Variants in PUM1 observed in about 807,000 individuals in gnomAD.
The protein encoded by PUM1 is pumilio RNA binding family member 1, also known as pumilio homolog 1.
PUM1 carries 13 observed loss-of-function variants against 131.8 expected under a neutral mutation model. The observed-to-expected ratio is 0.10, with a 90% CI of 0.06 to 0.16. The LOEUF (loss-of-function observed/expected upper bound fraction) is 0.16, where lower values mean the gene tolerates loss of function less well. PUM1 is among the 10% of genes least tolerant of loss of function. The pLI is 1.00. For synonymous variants in PUM1, 509 were observed against 556.5 expected (o/e 0.91, Z 1.20); for missense variants, 961 against 1,512.4 (o/e 0.64, Z 6.05).
rs138857989 is a variant in PUM1 at position 31,054,185 on chromosome 1, G to A, written c.363+5019C>T. Among the ~76,000 whole-genome samples, 781 of 151,160 alleles carry A rather than the reference G, an allele frequency of 5.2e-3. 6 individuals carry two copies. Among genetic ancestry groups the A allele is most frequent in the African/African-American group, 0.018 (721 of 41,200 alleles). Reference sequence around the variant, plus strand: ...CTACAAAAAATACAAAGATGAGCTAGGTGTTGTGACGTGTGCCTGTGGTCC... The same window carrying A: ...CTACAAAAAATACAAAGATGAGCTAAGTGTTGTGACGTGTGCCTGTGGTCC... On this transcript the variant is annotated intron_variant, in intron 2 of 21. Transcript: ENST00000426105.
At position 31,011,373 on chromosome 1, in the gene PUM1, A is replaced by C. The variant is rs183183559; in HGVS notation, c.433-4271T>G. Among the ~76,000 whole-genome samples, 95 of 152,286 alleles carry C rather than the reference A, an allele frequency of 6.2e-4. 1 individual carries two copies. Among genetic ancestry groups the C allele is most frequent in the African/African-American group, 2.2e-3 (90 of 41,552 alleles). On this transcript the variant is annotated intron_variant, in intron 3 of 21. Transcript: ENST00000426105. ...ATTTAAATGTAAGTGATGAAACTAA[A>C]ATCCTTTTCAATTGAAAAAAAGTAA...
intron 2 of PUM1, among the ~76,000 whole-genome samples, chr1:31,056,067 T>C (rs1644229840): frequency 6.6e-6 from 1 of 152,184 alleles, no homozygotes; most frequent in Admixed American, 6.5e-5. Flanking sequence ...CCTACCTTGA[T>C]TTCCTGCTAC....
In PUM1 at chr1:30,932,940, T is replaced by C. The variant is rs574843689; in HGVS notation, c.*271A>G. 1.1e-5 allele frequency: 3 copies of C among 267,524 alleles called. No homozygotes were observed. The highest frequency in any genetic ancestry group is 2.3e-5 in the African/African-American group (1 of 44,284). 16.6% of individuals were successfully genotyped at this position (267,524 alleles called of 1,614,324 possible). A position where few individuals can be genotyped will look rare whatever the true frequency, so the allele number is the denominator to read the frequency against. ...CAAAATATGTGGCCTCCCATGTACA[T>C]TGGTTACCTATGTACAAGTATCCTA... On this transcript the variant is annotated 3_prime_UTR_variant, in exon 22 of 22. Coordinates refer to ENST00000426105, the MANE Select transcript of PUM1 (RefSeq NM_001020658.2).
At position 30,968,407 on chromosome 1, in the gene PUM1, G is replaced by A; in HGVS notation, c.1592C>T (p.Ala531Val). 1.3e-6 allele frequency: 2 copies of A among 1,598,702 alleles called. No homozygotes were observed. The highest frequency in any genetic ancestry group is 1.3e-5 in the African/African-American group (1 of 74,184). Residue 531 changes from alanine to valine, a missense_variant, in exon 11 of 22, where the codon GCA becomes GTA. Coordinates refer to ENST00000426105, the MANE Select transcript of PUM1 (RefSeq NM_001020658.2). ...AAATGCAAGGGCAGAATTCACTGCT[G>A]CAGCTGCCACAAGGGGATCCGTTTG... ...GQQTDPLVAA[A>V]AVNSALAFGQ...
At chr1:31,016,020 A>G (rs1286747104) in intron 3 of PUM1, among the ~76,000 whole-genome samples, 2 of 152,340 alleles carry the variant, frequency 1.3e-5, no homozygotes, top group Admixed American at 6.5e-5. Context: ...AATTTTAAGA[A>G]GAGAGCTCAT....
In PUM1 at chr1:30,992,506, C is replaced by G; in HGVS notation, c.1042G>C (p.Asp348His). Residue 348 changes from aspartate (D) to histidine (H), a missense_variant, in exon 7 of 22, where the codon GAC becomes CAC. Asp to His is a moderately conservative substitution (Grantham distance 81, BLOSUM62 -1). Coordinates refer to ENST00000426105, the MANE Select transcript of PUM1 (RefSeq NM_001020658.2). ...TCCATGCCCACATGTTCCATGGGGT[C>G]CAAGGGGACACTCTGGGACTCCATG... is the stretch of plus-strand genomic sequence containing the variant. ...SNMESQSVPL[D>H]PMEHVGMEPL... The G allele has an allele frequency of 6.2e-7, 1 of 1,614,190 alleles. No homozygotes were observed. The highest frequency in any genetic ancestry group is 8.5e-7 in the Non-Finnish European group (1 of 1,180,040).
In PUM1 at chr1:31,059,385, T is replaced by C; in HGVS notation, c.182A>G (p.His61Arg). ...AANQALAAGT[H>R]SSPVPGSIGV... ...TATAGATCCTGGGACAGGGCTGGAG[T>C]GAGTCCCAGCTGCAAGAGCCTGATT... is the stretch of plus-strand genomic sequence containing the variant. Residue 61 changes from histidine to arginine, a missense_variant, in exon 2 of 22, where the codon CAC becomes CGC. By Grantham distance (29) the His-to-Arg change is conservative. Around this residue, in one of 4 missense-constraint regions of PUM1, gnomAD observed 654 missense variants for 923.9 expected, o/e 0.71. Coordinates refer to ENST00000426105, the MANE Select transcript of PUM1 (RefSeq NM_001020658.2). The C allele has an allele frequency of 6.2e-7, 1 of 1,613,930 alleles. No individual in the cohort carries two copies. Among genetic ancestry groups the C allele is most frequent in the Non-Finnish European group, 8.5e-7 (1 of 1,179,990 alleles).
At chr1:31,022,674 T>C (rs1292315329) in intron 3 of PUM1, among the ~76,000 whole-genome samples, 2 of 152,120 alleles carry the variant, frequency 1.3e-5, no homozygotes, top group African/African-American at 4.8e-5. Flanking sequence ...CCTCAAACAA[T>C]ACTGATAAAA....
intron 18 of PUM1, among the ~76,000 whole-genome samples, chr1:30,943,499 G>A (rs1284619059): frequency 6.6e-6 from 1 of 151,952 alleles, no homozygotes; most frequent in Non-Finnish European, 1.5e-5. Flanking sequence ...TGATCCACCC[G>A]TCTCAGCCTC....
intron 6 of PUM1, among the ~76,000 whole-genome samples, chr1:30,993,996 G>A (rs1310175382): frequency 6.6e-6 from 1 of 152,194 alleles, no homozygotes; most frequent in Non-Finnish European, 1.5e-5. Flanking sequence ...CTTGAACTCA[G>A]GAGGTGGTGG....
chr1:30,964,994 T>C, intron 13 of PUM1, 84 bp from the exon 14 acceptor site: 3 of 1,159,466 alleles, frequency 2.6e-6, no homozygotes, highest in Non-Finnish European at 2.5e-6. Context: ...AACACTTTGA[T>C]CCAGACTCCT....
chr1:30,947,574 G>T (rs1264677850), intron 17 of PUM1, among the ~76,000 whole-genome samples: 1 of 152,172 alleles, frequency 6.6e-6, no homozygotes, highest in African/African-American at 2.4e-5. Flanking sequence ...CAGGTCTTAG[G>T]TATCTTGAAA....
rs1393003888 is a variant in PUM1, at chr1:30,950,137, T to C, written c.2846A>G (p.Gln949Arg). 3.7e-6 allele frequency: 6 copies of C among 1,611,438 alleles called. No individual in the cohort carries two copies. The highest frequency in any genetic ancestry group is 8.5e-7 in the Non-Finnish European group (1 of 1,178,974). ...QKALEFIPSDQQVINEMVREL... is the reference protein window; with the variant it reads ...QKALEFIPSDRQVINEMVREL... ...AAAGGGGAAACTTACAATTACCTGC[T>C]GGTCTGAAGGAATAAACTCAAGAGC... Residue 949 changes from glutamine to arginine, a missense_variant, in exon 17 of 22, where the codon CAG (glutamine) becomes CGG (arginine). Physicochemically the swap from Gln to Arg is conservative, Grantham distance 43. Transcript: ENST00000426105.
chr1:31,049,527 A>C (rs927132768), intron 2 of PUM1, among the ~76,000 whole-genome samples: 3 of 151,820 alleles, frequency 2.0e-5, no homozygotes, highest in African/African-American at 7.2e-5. Context: ...AAAAAAAAAA[A>C]AAATTAGCCA....
chr1:31,058,927 G>C (rs1287383505), intron 2 of PUM1, among the ~76,000 whole-genome samples: 2 of 152,148 alleles, frequency 1.3e-5, no homozygotes, highest in African/African-American at 4.8e-5. Flanking sequence ...CCGAGATCAA[G>C]CCGAGATCAG....
chr1:30,974,720 G>A lies in PUM1; in HGVS notation c.1437C>T (p.Ala479=), dbSNP rs201789178. The A allele has an allele frequency of 7.4e-5, 120 of 1,611,626 alleles. No homozygotes were observed. In the Middle Eastern group the frequency reaches 1.5e-3, roughly 20 times the overall value. Residue 479 remains alanine (A), a synonymous_variant, in exon 10 of 22, where the codon GCC becomes GCT. Transcript: ENST00000426105. ...CTGAATTAGTTGCTGCAGCGGCAGC[G>A]GCAGCTTGCTGCTGGAAAAGACTGG... ...YPASLFQQQA[A]AAAAATNSAN... is the part of the protein sequence containing the mutation.
chr1:31,002,650 G>A (rs768703492), intron 5 of PUM1, among the ~76,000 whole-genome samples: 2 of 152,028 alleles, frequency 1.3e-5, no homozygotes, highest in Non-Finnish European at 2.9e-5. Flanking sequence ...TCTACTCCAA[G>A]AATAAATAAA....
chr1:30,933,428 T>TCA (rs1223375046), intron 21 of PUM1, 86 bp from the exon 22 acceptor site: 169 of 950,026 alleles, frequency 1.8e-4, no homozygotes, highest in Admixed American at 9.4e-4. Context: ...ATGTCATGCA[T>TCA]CACACACACA....
intron 2 of PUM1, among the ~76,000 whole-genome samples, chr1:31,048,524 GAGTGCA>G (rs1644026374): frequency 6.6e-6 from 1 of 150,794 alleles, no homozygotes; most frequent in African/African-American, 2.4e-5. Context: ...GCCCAGGCTG[GAGTGCA>G]ATGGTGCGAT....
Sources: allele counts gnomAD v4.1 joint callset (sites outside exome capture counted in the v4.1 genomes callset), GRCh38; gene constraint gnomAD v4.1.1; regional missense constraint gnomAD v4.1.1; transcripts MANE v1.5; gene names NCBI Gene and HGNC (gene_info 2026-07-23, HGNC 2026-07-21).